Variants in GPS1 observed in about 807,000 individuals in gnomAD.
GPS1 encodes COP9 signalosome complex subunit 1.
A neutral mutation model predicts 60.0 loss-of-function variants in GPS1; 11 were observed. The ratio of observed to expected loss-of-function variants is 0.18; its 90% CI spans 0.12 to 0.30. The LOEUF (loss-of-function observed/expected upper bound fraction) is 0.30, where lower values mean the gene tolerates loss of function less well. GPS1 is among the 10% of genes least tolerant of loss of function. GPS1 has a pLI of 1.00. For missense variants in GPS1, 543 were observed against 669.2 expected (o/e 0.81, Z 2.08); for synonymous variants, 343 against 269.8 (o/e 1.27, Z -2.66).
chr17:82,054,663 A>T lies in GPS1; in HGVS notation c.462A>T (p.Lys154Asn). ...AGAACTACAAGGGCAACTCCATCAA[A>T]GAGAGCATCCGGCGCGGCCACGACG... is the stretch of plus-strand genomic sequence containing the variant. The part of the protein sequence containing the change: ...DLKNYKGNSI[K>N]ESIRRGHDDL... The change falls in exon 4 of 13, where the codon AAA becomes AAT. Residue 154 changes from lysine (K) to asparagine (N), a missense_variant. Physicochemically the swap from Lys to Asn is moderately conservative, Grantham distance 94. Coordinates refer to ENST00000578552, the MANE Select transcript of GPS1 (RefSeq NM_001321092.3). 6.2e-7 allele frequency: 1 copy of T among 1,611,370 alleles called. No individual in the cohort carries two copies. Among genetic ancestry groups the T allele is most frequent in the Non-Finnish European group, 8.5e-7 (1 of 1,179,874 alleles).
In GPS1 at chr17:82,053,279, C is replaced by A. The variant is rs375488675; in HGVS notation, c.39C>A (p.Ala13=). The A allele has an allele frequency of 6.5e-7, 1 of 1,542,488 alleles. No individual in the cohort carries two copies. The highest frequency in any genetic ancestry group is 1.7e-4 in the Middle Eastern group (1 of 5,836). Residue 13 remains alanine (A), a synonymous_variant, in exon 2 of 13, where the codon GCC becomes GCA. Coordinates refer to ENST00000578552, the MANE Select transcript of GPS1 (RefSeq NM_001321092.3). ...GTGCCTGGCCCATGTTGCAGGGGGC[C>A]GTGGAGCCCATGCAGATCGACGTGG... ...LPVQVFNLQG[A]VEPMQIDVDP... is the part of the protein sequence containing the mutation.
Position 82,056,664 on chromosome 17 carries a change from G to A in GPS1, c.1152G>A (p.Arg384=), listed in dbSNP as rs1302657601. 8 of 1,604,554 alleles carry A rather than the reference G, an allele frequency of 5.0e-6. No individual in the cohort carries two copies. Among genetic ancestry groups the A allele is most frequent in the Admixed American group, 3.4e-5 (2 of 59,558 alleles). The stretch of plus-strand genomic sequence containing the variant: ...CCTACGTGTCAGCCGACATGCATAG[G>A]ATGGCGGCAGCCTTCAATACCACGG... ...FSPYVSADMH[R]MAAAFNTTVA... is the part of the protein sequence containing the mutation. Residue 384 remains arginine (R), a synonymous_variant, in exon 11 of 13, where the codon AGG becomes AGA. Transcript: ENST00000578552.
intron 8 of GPS1, 41 bp downstream of exon 8, chr17:82,056,136 C>A: frequency 6.6e-7 from 1 of 1,518,734 alleles, no homozygotes; most frequent in Non-Finnish European, 9.1e-7. Flanking sequence ...CTGTCCCCGT[C>A]CCTCTCCGTG....
intron 1 of GPS1, chr17:82,052,517 C>CCCTGCTGTGGCTGGGCCCCTGCTGCT (rs1324684103): frequency 3.5e-5 from 55 of 1,572,640 alleles, no homozygotes; most frequent in Non-Finnish European, 4.5e-5. Flanking sequence ...CCCCGGCCGC[C>CCCTGCTGTGGCTGGGCCCCTGCTGCT]CCTGCTGTGG....
chr17:82,056,598 G>T, intron 10 of GPS1, 31 bp from the exon 11 acceptor site: 2 of 1,612,362 alleles, frequency 1.2e-6, no homozygotes, highest in Non-Finnish European at 1.7e-6. Flanking sequence ...CATGCAGGGG[G>T]CTGTGGAGCT....
chr17:82,051,531 A>G, upstream of GPS1: 1 of 1,399,446 alleles, frequency 7.1e-7, no homozygotes, highest in Non-Finnish European at 9.3e-7. This position sits in a 1 kb window ranked among gnomAD's most constrained non-coding sequence, Gnocchi z 4.1. Flanking sequence ...CCAGGTGCGC[A>G]GCAGCAGCCG....
chr17:82,054,827 G>A lies in GPS1; in HGVS notation c.609+17G>A, dbSNP rs369450843. 34 of 1,578,052 alleles carry A rather than the reference G, an allele frequency of 2.2e-5. No individual in the cohort carries two copies. The highest frequency in any genetic ancestry group is 1.6e-4 in the African/African-American group (12 of 74,504). On this transcript the variant is annotated intron_variant, in intron 4 of 12. Transcript: ENST00000578552. ...GTCATCAAGGTCGGCCTGCCTCGGC[G>A]GGCGGGGGTGGGCAGCATGGCTGGG...
chr17:82,056,422 G>C (rs539464740), intron 9 of GPS1, 31 bp downstream of exon 9: 1 of 1,612,470 alleles, frequency 6.2e-7, no homozygotes, highest in African/African-American at 1.3e-5. Flanking sequence ...GGGTGAGGTG[G>C]GGCCCTGCCT....
upstream of GPS1, chr17:82,051,214 C>G (rs2030504991): frequency 7.7e-7 from 1 of 1,305,972 alleles, no homozygotes; most frequent in African/African-American, 1.5e-5. The surrounding 1 kb of genome is among the most constrained non-coding windows in gnomAD (Gnocchi z 4.1). Flanking sequence ...GCACCCACAG[C>G]AGCGAAGGGG....
At chr17:82,051,426 T>A, upstream of GPS1, 1 of 1,381,718 alleles carries the variant, frequency 7.2e-7, no homozygotes, top group Non-Finnish European at 9.4e-7. The surrounding 1 kb of genome is among the most constrained non-coding windows in gnomAD (Gnocchi z 4.1). Flanking sequence ...TCCGGGGGCC[T>A]GGGCCGGGCC....
chr17:82,052,655 G>A, intron 1 of GPS1: 1 of 662,126 alleles, frequency 1.5e-6, no homozygotes, highest in Non-Finnish European at 2.5e-6. Flanking sequence ...GAAGGAGCGC[G>A]GGAGGCCCAC....
chr17:82,054,296 G>A (rs1172481012), intron 3 of GPS1: 2 of 777,820 alleles, frequency 2.6e-6, no homozygotes, highest in Non-Finnish European at 4.0e-6. Context: ...CCGCCTCCCT[G>A]CTGGTTTCCC....
At chr17:82,053,134 G>C (rs1665679253) in intron 1 of GPS1, 140 bp from the exon 2 acceptor site, 3 of 569,872 alleles carry the variant, frequency 5.3e-6, no homozygotes, top group Non-Finnish European at 8.4e-6. Context: ...GGGCACACCT[G>C]GGGGACAGCA....
Position 82,056,204 on chromosome 17 carries a change from TTGTC to T in GPS1, c.930-79_930-76del, listed in dbSNP as rs1461420948. 1.6e-5 allele frequency: 22 copies of T among 1,365,940 alleles called. No homozygotes were observed. In the Admixed American group the frequency reaches 2.2e-4, roughly 14 times the overall value. 84.6% of individuals were successfully genotyped at this position (1,365,940 alleles called of 1,614,324 possible). The stretch of plus-strand genomic sequence containing the variant: ...CTGGCCCCAGCGTTTTCTCAGGTGT[TTGTC>T]TGGGGACTGGTGTCCCACTGGCCAC... On this transcript the variant is annotated intron_variant, in intron 8 of 12. Transcript: ENST00000578552.
At chr17:82,051,534 A>AGCAGCC (rs1403299011), upstream of GPS1, 1 of 1,399,574 alleles carries the variant, frequency 7.1e-7, no homozygotes, top group Non-Finnish European at 9.3e-7. The surrounding 1 kb of genome is among the most constrained non-coding windows in gnomAD (Gnocchi z 4.1). Context: ...GGTGCGCAGC[A>AGCAGCC]GCAGCCGCAG....
Position 82,057,163 on chromosome 17 carries a change from C to G in GPS1, c.*36C>G, listed in dbSNP as rs369830273. On this transcript the variant is annotated 3_prime_UTR_variant, in exon 13 of 13. Coordinates refer to ENST00000578552, the MANE Select transcript of GPS1 (RefSeq NM_001321092.3). Reference sequence around the variant, plus strand: ...TTGGCCTCCAGGACATCTGCACCCCCTCCCCACCTCCACGGACCTCGGACC... The same window carrying G: ...TTGGCCTCCAGGACATCTGCACCCCGTCCCCACCTCCACGGACCTCGGACC... 7.0e-6 allele frequency: 11 copies of G among 1,570,602 alleles called. No homozygotes were observed. The highest frequency in any genetic ancestry group is 3.4e-4 in the Middle Eastern group (2 of 5,848).
intron 2 of GPS1, 142 bp from the exon 3 acceptor site, chr17:82,053,726 C>G: frequency 1.2e-6 from 1 of 800,838 alleles, no homozygotes. Flanking sequence ...CAGTCAGTCT[C>G]GTACCCCCAT....
rs1284774947 is a variant in GPS1 at position 82,054,024 on chromosome 17, C to T, written c.283C>T (p.His95Tyr). 5 of 1,611,658 alleles carry T rather than the reference C, an allele frequency of 3.1e-6. No individual in the cohort carries two copies. The East Asian group carries it at 1.1e-4, about 36-fold the overall frequency. ...TAACGTGGACATGTACGAGGAGATC[C>T]ACCGCAAGCTCTCAGAGGCCACCAG... is the stretch of plus-strand genomic sequence containing the variant. ...TFNVDMYEEI[H>Y]RKLSEATREL... The change falls in exon 3 of 13, where the codon CAC becomes TAC. Residue 95 changes from histidine to tyrosine, a missense_variant. Physicochemically the swap from His to Tyr is moderately conservative, Grantham distance 83. Around this residue, in one of 3 missense-constraint regions of GPS1, gnomAD observed 181 missense variants for 188.8 expected, o/e 0.96. Coordinates refer to ENST00000578552, the MANE Select transcript of GPS1 (RefSeq NM_001321092.3).
chr17:82,052,170 G>A, intron 1 of GPS1: 2 of 1,256,744 alleles, frequency 1.6e-6, no homozygotes, highest in Non-Finnish European at 2.1e-6. Context: ...GGGGGCCGCC[G>A]GGCCGCGCCC....
Sources: allele counts gnomAD v4.1 joint callset, GRCh38; gene constraint gnomAD v4.1.1; regional missense constraint gnomAD v4.1.1; non-coding constraint Gnocchi (gnomAD v3.1); transcripts MANE v1.5; gene names NCBI Gene and HGNC (gene_info 2026-07-23, HGNC 2026-07-21).